MAST4: variants seen among roughly 807,000 people sequenced by gnomAD.
The protein encoded by MAST4 is microtubule-associated serine/threonine-protein kinase 4.
In MAST4, 89 loss-of-function variants were observed where a neutral mutation model predicts 162.7. The ratio of observed to expected loss-of-function variants is 0.55; its 90% CI spans 0.46 to 0.65. The LOEUF (loss-of-function observed/expected upper bound fraction) is 0.65. Among genes scored for constraint, MAST4 ranks in the 30% least tolerant of loss-of-function variants. The pLI is 0.00. For missense variants in MAST4, 3,153 were observed against 3,374.0 expected, an observed-to-expected ratio of 0.93 and a Z score of 1.62; for synonymous variants, 1,479 against 1,361.1, an observed-to-expected ratio of 1.09 and a Z score of -1.91.
chr5:66,765,802 A>C (rs1238318128), intron 2 of MAST4, among the ~76,000 whole-genome samples: 1 of 151,986 alleles, frequency 6.6e-6, no homozygotes, highest in African/African-American at 2.4e-5. Context: ...TCCCTAGCTA[A>C]ACTTTTGAAT....
chr5:66,651,730 C>T (rs1231872621), intron 1 of MAST4, among the ~76,000 whole-genome samples: 1 of 152,134 alleles, frequency 6.6e-6, no homozygotes, highest in Admixed American at 6.6e-5. Context: ...GCACTACACT[C>T]TAGGTGTCAA....
chr5:66,727,643 C>G (rs914574065), intron 1 of MAST4, among the ~76,000 whole-genome samples: 2 of 152,152 alleles, frequency 1.3e-5, no homozygotes, highest in African/African-American at 2.4e-5. Flanking sequence ...GAGCTGCACA[C>G]AAGGATGGTT....
At chr5:67,011,716 C>G (rs1581193287) in intron 4 of MAST4, among the ~76,000 whole-genome samples, 1 of 152,176 alleles carries the variant, frequency 6.6e-6, no homozygotes, top group Non-Finnish European at 1.5e-5. Flanking sequence ...TAAGGCTTAC[C>G]AGATACAAAG....
At chr5:67,078,648 TTA>T (rs975662123) in intron 5 of MAST4, among the ~76,000 whole-genome samples, 4 of 130,616 alleles carry the variant, frequency 3.1e-5, no homozygotes, top group African/African-American at 9.8e-5. Context: ...ATTTATATCT[TTA>T]TATATATTTA....
At chr5:66,945,245 A>G (rs952744648) in intron 4 of MAST4, among the ~76,000 whole-genome samples, 10 of 152,192 alleles carry the variant, frequency 6.6e-5, no homozygotes, top group African/African-American at 2.4e-4. Context: ...CTGAACAGAC[A>G]TTCTTAGAGG....
intron 4 of MAST4, among the ~76,000 whole-genome samples, chr5:66,974,090 T>C (rs1160623326): frequency 6.6e-6 from 1 of 152,186 alleles, no homozygotes; most frequent in African/African-American, 2.4e-5. Context: ...CTATAGTAAA[T>C]GTTACTGTAT....
At chr5:66,768,054 G>C (rs1754183292) in intron 2 of MAST4, among the ~76,000 whole-genome samples, 1 of 152,172 alleles carries the variant, frequency 6.6e-6, no homozygotes, top group Non-Finnish European at 1.5e-5. Context: ...ACAGAAGTGA[G>C]AGTGGGATGG....
intron 1 of MAST4, among the ~76,000 whole-genome samples, chr5:66,648,254 T>A (rs1248722134): frequency 6.6e-6 from 1 of 152,138 alleles, no homozygotes; most frequent in East Asian, 1.9e-4. Flanking sequence ...TTACTGGAGT[T>A]TTCTGTGCTA....
rs547047674 is a variant in MAST4 at position 67,056,623 on chromosome 5, T to G, written c.763+2131T>G. Among the ~76,000 whole-genome samples, 6 of 152,310 alleles carry G rather than the reference T, an allele frequency of 3.9e-5. 1 individual carries two copies. In the South Asian group the frequency reaches 1.2e-3, roughly 32 times the overall value. ...CTTTCATAGACTTAGCTTAAGTTCT[T>G]TCTCCTTCAACATTAATATAGAATT... is the stretch of plus-strand genomic sequence containing the variant. On this transcript the variant is annotated intron_variant, in intron 5 of 28. Transcript: ENST00000403625.
chr5:66,765,281 C>T (rs1459125939), intron 2 of MAST4, among the ~76,000 whole-genome samples: 3 of 152,084 alleles, frequency 2.0e-5, no homozygotes, highest in Admixed American at 2.0e-4. Context: ...CCTCAGTAGC[C>T]ACAGATTCCA....
In MAST4 at chr5:66,686,851, T is replaced by C. The variant is rs1433168056; in HGVS notation, c.364-72858T>C. On this transcript the variant is annotated intron_variant, in intron 1 of 28. Transcript: ENST00000403625. ...TCATCAAATACCTAAGTTGGTGCCA[T>C]GTACATAGAAGACATTTATACAAAA... 4.6e-5 allele frequency among the ~76,000 whole-genome samples: 7 copies of C among 152,332 alleles called. No individual in the cohort carries two copies. The East Asian group carries it at 1.3e-3, about 29-fold the overall frequency.
chr5:66,987,698 A>G (rs1749671487), intron 4 of MAST4, among the ~76,000 whole-genome samples: 1 of 152,204 alleles, frequency 6.6e-6, no homozygotes, highest in Admixed American at 6.5e-5. Flanking sequence ...CGTACAGATC[A>G]TGTCAAATAT....
chr5:66,818,503 C>T (rs1375805679), intron 3 of MAST4, among the ~76,000 whole-genome samples: 1 of 152,002 alleles, frequency 6.6e-6, no homozygotes, highest in Non-Finnish European at 1.5e-5. Context: ...TCCACATCCT[C>T]TTGCTCAACT....
intron 3 of MAST4, among the ~76,000 whole-genome samples, chr5:66,797,675 T>A (rs1755718086): frequency 6.6e-6 from 1 of 152,166 alleles, no homozygotes; most frequent in South Asian, 2.1e-4. Context: ...TTTGCAGCCA[T>A]GAGAATTCAT....
At position 66,789,954 on chromosome 5, in the gene MAST4, G is replaced by A. The variant is rs964746684; in HGVS notation, c.642+1160G>A. Among the ~76,000 whole-genome samples, 8 of 142,538 alleles carry A rather than the reference G, an allele frequency of 5.6e-5. No individual in the cohort carries two copies. The South Asian group carries it at 8.9e-4, about 16-fold the overall frequency. 93.5% of individuals were successfully genotyped at this position (142,538 alleles called of 152,430 possible). A position where few individuals can be genotyped will look rare whatever the true frequency, so the allele number is the denominator to read the frequency against. ...ATTCCCACATTTCTATTTTTACCCCGGTGTAGACCTTTATGTTTAACATGC... is the reference window on the plus strand; with the variant it reads ...ATTCCCACATTTCTATTTTTACCCCAGTGTAGACCTTTATGTTTAACATGC... On this transcript the variant is annotated intron_variant, in intron 3 of 28. Transcript: ENST00000403625.
In MAST4 at chr5:66,932,200, T is replaced by A. The variant is rs114431520; in HGVS notation, c.674+32218T>A. On this transcript the variant is annotated intron_variant, in intron 4 of 28. Coordinates refer to ENST00000403625, the MANE Select transcript of MAST4 (RefSeq NM_001164664.2). ...AGGTCTGTCACCGTTATCAGAAACA[T>A]GCCAAAACCTTATCAGTTTATATGA... 7.6e-3 allele frequency among the ~76,000 whole-genome samples: 1,163 copies of A among 152,330 alleles called. 10 individuals carry two copies. Among genetic ancestry groups the A allele is most frequent in the African/African-American group, 0.027 (1,108 of 41,574 alleles).
chr5:67,134,431 A>G lies in MAST4; in HGVS notation c.2227-92A>G, dbSNP rs146632301. 2.1e-4 allele frequency: 252 copies of G among 1,213,956 alleles called. No homozygotes were observed. The East Asian group carries it at 5.9e-3, about 28-fold the overall frequency. The allele number at this position is 1,213,956 out of a possible 1,614,324, so 75.2% of individuals were successfully genotyped here. On this transcript the variant is annotated intron_variant, in intron 17 of 28. Transcript: ENST00000403625. ...TGGTTCCATGTGGTTGAGCAGGTGC[A>G]TTCTGGGCAAAATAATTGGTGACTA...
intron 4 of MAST4, among the ~76,000 whole-genome samples, chr5:66,911,201 C>T (rs1763734881): frequency 6.6e-6 from 1 of 152,130 alleles, no homozygotes; most frequent in African/African-American, 2.4e-5. Context: ...CTGCTTCATC[C>T]CGTGCATCAC....
At chr5:66,982,163 A>G (rs964826454) in intron 4 of MAST4, among the ~76,000 whole-genome samples, 2 of 152,216 alleles carry the variant, frequency 1.3e-5, no homozygotes, top group African/African-American at 2.4e-5. Context: ...CTGCTCCTGT[A>G]TAATGGCCTT....
Sources: allele counts gnomAD v4.1 joint callset (sites outside exome capture counted in the v4.1 genomes callset), GRCh38; gene constraint gnomAD v4.1.1; transcripts MANE v1.5; gene names NCBI Gene and HGNC (gene_info 2026-07-23, HGNC 2026-07-21).